GAS2L1: variants seen among roughly 807,000 people sequenced by gnomAD.
GAS2L1 encodes growth arrest specific 2 like 1, also known as GAS2-like protein 1.
Under a neutral mutation model 44.0 loss-of-function variants are expected in GAS2L1, and 26 were observed. That is an observed-to-expected ratio of 0.59 (90% CI 0.43 to 0.82). GAS2L1 has a LOEUF of 0.82. Ranked by LOEUF, GAS2L1 falls within the 40% of genes least tolerant of loss-of-function variation. The pLI is 0.00. For synonymous variants in GAS2L1, 426 were observed against 415.9 expected, an observed-to-expected ratio of 1.02 and a Z score of -0.30; for missense variants, 1,006 against 983.0, an observed-to-expected ratio of 1.02 and a Z score of -0.31.
chr22:29,310,358 C>T (rs897573018), intron 1 of GAS2L1, 81 bp from the exon 3 acceptor site: 12 of 793,844 alleles, frequency 1.5e-5, no homozygotes, highest in Non-Finnish European at 2.6e-5. Context: ...GCCTGACTTC[C>T]TCCTGACCCT....
At chr22:29,311,698 G>A (rs1405804765) in exon 5 of GAS2L1, 8 of 1,525,696 alleles carry the variant, frequency 5.2e-6, no homozygotes, top group Non-Finnish European at 6.1e-6. Flanking sequence ...CGGCCCCGGG[G>A]GGCCCCAGGA....
At chr22:29,307,840 C>G (rs375688273) in exon 1 of GAS2L1, 1 of 335,320 alleles carries the variant, frequency 3.0e-6, no homozygotes, top group African/African-American at 2.1e-5. Flanking sequence ...CCGCAAAAAG[C>G]CACACAGCAA....
exon 5 of GAS2L1, chr22:29,311,975 G>A (rs1037883624): frequency 1.2e-6 from 2 of 1,609,820 alleles, no homozygotes; most frequent in East Asian, 4.5e-5. Flanking sequence ...CACCCCTGCA[G>A]CTCGACCCGC....
exon 5 of GAS2L1, chr22:29,312,345 G>A: frequency 6.2e-7 from 1 of 1,604,594 alleles, no homozygotes; most frequent in Non-Finnish European, 8.5e-7. Context: ...GAGGACCTGG[G>A]CACGGGGTCG....
chr22:29,308,755 C>A lies in GAS2L1; in HGVS notation c.633+17C>A. The A allele has an allele frequency of 2.0e-6, 3 of 1,478,522 alleles. No homozygotes were observed. Among genetic ancestry groups the A allele is most frequent in the Non-Finnish European group, 2.7e-6 (3 of 1,120,460 alleles). 91.6% of individuals were successfully genotyped at this position (1,478,522 alleles called of 1,614,324 possible). A position where few individuals can be genotyped will look rare whatever the true frequency, so the allele number is the denominator to read the frequency against. On this transcript the variant is annotated intron_variant, in intron 1 of 4. Transcript: ENST00000618518. ...GACGAGCTGGTGAGTCCCCCAGCACCAGGTGCCAGGGACCCGACAGCACAG... is the reference window on the plus strand; with the variant it reads ...GACGAGCTGGTGAGTCCCCCAGCACAAGGTGCCAGGGACCCGACAGCACAG...
rs191844093 is a variant in GAS2L1, at chr22:29,308,637, C to T, written c.532C>T (p.Pro178Ser). 7,031 of 1,578,426 alleles carry T rather than the reference C, an allele frequency of 4.5e-3. 36 individuals carry two copies. The highest frequency in any genetic ancestry group is 5.1e-3 in the Non-Finnish European group (5,917 of 1,160,462). The change falls in exon 1 of 5, where the codon CCT (proline) becomes TCT (serine). Residue 178 changes from proline (P) to serine (S), a missense_variant. Physicochemically the swap from Pro to Ser is moderately conservative, Grantham distance 74. Transcript: ENST00000618518. ...TGCTGCACCCCCAGCCCCCAACGCC[C>T]CTGCCGCTGGGGAGGACACCACTGA...
chr22:29,308,174 G>A lies in GAS2L1; in HGVS notation c.69G>A (p.Glu23=), dbSNP rs142849497. 1,276 of 1,603,626 alleles carry A rather than the reference G, an allele frequency of 8.0e-4. 16 individuals are homozygous for A. The highest frequency in any genetic ancestry group is 5.9e-5 in the Non-Finnish European group (69 of 1,173,570). The change falls in exon 1 of 5, where the codon GAG becomes GAA. Residue 23 remains glutamate (E), a synonymous_variant. Transcript: ENST00000618518. ...GCGTGCGGCCATTTCGCTCCAGTGAGGCCTACGTGGAGGCCATGAAGGAGG... is the reference window on the plus strand; with the variant it reads ...GCGTGCGGCCATTTCGCTCCAGTGAAGCCTACGTGGAGGCCATGAAGGAGG...
exon 1 of GAS2L1, chr22:29,308,601 C>T (rs930946576): frequency 3.1e-6 from 5 of 1,596,366 alleles, no homozygotes; most frequent in South Asian, 2.2e-5. Flanking sequence ...GGAGATTGAG[C>T]GGGAGCTGCG....
chr22:29,308,871 C>T (rs1217354021), intron 1 of GAS2L1, 133 bp downstream of exon 2: 2 of 689,006 alleles, frequency 2.9e-6, no homozygotes, highest in Admixed American at 7.1e-5. Flanking sequence ...ACATGTTGAG[C>T]ACCAAACCGA....
intron 4 of GAS2L1, 50 bp downstream of exon 5, chr22:29,311,048 T>C (rs1257515906): frequency 1.3e-6 from 2 of 1,542,372 alleles, no homozygotes; most frequent in Admixed American, 1.7e-5. Context: ...TGGGGGGGCG[T>C]CAGCCCTGGC....
At chr22:29,310,505 A>C (rs1282376439) in exon 2 of GAS2L1, 17 of 1,612,158 alleles carry the variant, frequency 1.1e-5, no homozygotes, top group Non-Finnish European at 1.4e-5. Context: ...CTCAGAGGGG[A>C]AGTACCGTGT....
chr22:29,308,374 A>G, exon 1 of GAS2L1: 2 of 1,606,892 alleles, frequency 1.2e-6, no homozygotes, highest in Non-Finnish European at 1.7e-6. Flanking sequence ...TTCCAGGCGC[A>G]CAGTGTAGTG....
intron 2 of GAS2L1, 22 bp from the exon 4 acceptor site, chr22:29,310,616 C>T (rs931785045): frequency 6.9e-6 from 11 of 1,599,816 alleles, no homozygotes; most frequent in Middle Eastern, 1.7e-4. Flanking sequence ...GGGGCACAGC[C>T]GTGACCTGCC....
chr22:29,312,562 T>G, exon 5 of GAS2L1: 1 of 1,243,762 alleles, frequency 8.0e-7, no homozygotes, highest in Non-Finnish European at 1.1e-6. Flanking sequence ...TTAACCCTTC[T>G]GCATCAGGGA....
chr22:29,312,074 T>C (rs1602656676), exon 5 of GAS2L1: 4 of 1,612,808 alleles, frequency 2.5e-6, no homozygotes, highest in Non-Finnish European at 3.4e-6. Context: ...TGACCCCCAC[T>C]GGACCAGCCC....
At chr22:29,308,856 A>G in intron 1 of GAS2L1, 118 bp downstream of exon 2, 2 of 796,590 alleles carry the variant, frequency 2.5e-6, no homozygotes, top group African/African-American at 3.5e-5. Context: ...CCACAAAAAG[A>G]GTGCACATGT....
chr22:29,310,898 C>T (rs145956439), exon 4 of GAS2L1: 1 of 1,613,476 alleles, frequency 6.2e-7, no homozygotes, highest in Non-Finnish European at 8.5e-7. Context: ...CAGTCCCCGC[C>T]CTGCTAGCCC....
At chr22:29,311,123 G>T (rs529068456) in intron 4 of GAS2L1, 125 bp downstream of exon 5, 34 of 905,330 alleles carry the variant, frequency 3.8e-5, no homozygotes, top group Non-Finnish European at 4.4e-5. Flanking sequence ...CGTGGGTGGG[G>T]GCGGGCCTGG....
intron 4 of GAS2L1, 109 bp downstream of exon 5, chr22:29,311,107 A>T: frequency 9.0e-7 from 1 of 1,110,914 alleles, no homozygotes; most frequent in Non-Finnish European, 1.3e-6. Flanking sequence ...CCCTGGGAAA[A>T]GTTCCCGTGG....
Sources: gnomAD v4.1 joint callset for allele counts on GRCh38, gnomAD v4.1.1 for gene constraint, MANE v1.5 for transcripts, NCBI Gene and HGNC (gene_info 2026-07-23, HGNC 2026-07-21) for gene names.